Variants in DCC observed in about 807,000 individuals in gnomAD.
DCC encodes DCC netrin 1 receptor, also known as netrin receptor DCC.
Under a neutral mutation model 172.5 loss-of-function variants are expected in DCC, and 58 were observed. The observed-to-expected ratio is 0.34, with a 90% CI of 0.27 to 0.42. The LOEUF (loss-of-function observed/expected upper bound fraction) is 0.42, where lower values mean the gene tolerates loss of function less well. Among genes scored for constraint, DCC ranks in the 10% least tolerant of loss-of-function variants. DCC has a pLI of 1.00. For synonymous variants in DCC, 709 were observed against 644.5 expected (o/e 1.10, Z -1.52); for missense variants, 1,740 against 1,791.0 (o/e 0.97, Z 0.51).
intron 2 of DCC, among the ~76,000 whole-genome samples, chr18:52,796,556 T>A (rs1056515088): frequency 6.6e-6 from 1 of 152,198 alleles, no homozygotes; most frequent in African/African-American, 2.4e-5. Context: ...ACTTTATTTT[T>A]CCTTCATTTT....
At chr18:52,650,498 G>T (rs776938015) in intron 1 of DCC, among the ~76,000 whole-genome samples, 3 of 152,116 alleles carry the variant, frequency 2.0e-5, no homozygotes, top group Admixed American at 1.3e-4. Flanking sequence ...TTAGCATGCC[G>T]TTTTTTCTGC....
intron 9 of DCC, among the ~76,000 whole-genome samples, chr18:53,189,903 A>G (rs1457492786): frequency 2.6e-5 from 4 of 152,194 alleles, no homozygotes; most frequent in Middle Eastern, 3.2e-3. Context: ...CCAGACACTG[A>G]TGCCAACAAC....
At chr18:52,722,820 A>C (rs2036493883) in intron 1 of DCC, among the ~76,000 whole-genome samples, 1 of 151,920 alleles carries the variant, frequency 6.6e-6, no homozygotes, top group South Asian at 2.1e-4. Context: ...TGCTTTACCA[A>C]CTTCCTGACT....
intron 1 of DCC, among the ~76,000 whole-genome samples, chr18:52,527,123 G>A (rs1787733): frequency 6.6e-6 from 1 of 152,146 alleles, no homozygotes; most frequent in African/African-American, 2.4e-5. Flanking sequence ...GATTAACAAA[G>A]AGCCACATTA....
intron 1 of DCC, among the ~76,000 whole-genome samples, chr18:52,400,172 C>T (rs1043323691): frequency 6.6e-6 from 1 of 151,890 alleles, no homozygotes; most frequent in African/African-American, 2.4e-5. Context: ...TGGCACTTTT[C>T]AAGCTGAATG....
chr18:53,493,848 T>C (rs1009282462), intron 26 of DCC, among the ~76,000 whole-genome samples: 1 of 152,164 alleles, frequency 6.6e-6, no homozygotes, highest in Non-Finnish European at 1.5e-5. Context: ...CTGATCTTAG[T>C]TATTTCTTGT....
intron 2 of DCC, among the ~76,000 whole-genome samples, chr18:52,825,434 T>C (rs1368288018): frequency 1.3e-5 from 2 of 152,244 alleles, no homozygotes; most frequent in Non-Finnish European, 2.9e-5. Flanking sequence ...TATATAAACC[T>C]GCACCTAACA....
chr18:52,965,773 T>C (rs1471968368), intron 5 of DCC, among the ~76,000 whole-genome samples: 1 of 152,182 alleles, frequency 6.6e-6, no homozygotes. Flanking sequence ...TCTAAGATCA[T>C]ACTTGGTGGC....
intron 5 of DCC, among the ~76,000 whole-genome samples, chr18:52,977,035 A>G (rs1474929346): frequency 6.6e-6 from 1 of 152,216 alleles, no homozygotes; most frequent in Non-Finnish European, 1.5e-5. Context: ...AATGGAGAAC[A>G]AAGTTTCTCC....
intron 9 of DCC, among the ~76,000 whole-genome samples, chr18:53,186,829 T>C (rs1432848642): frequency 6.6e-6 from 1 of 152,156 alleles, no homozygotes; most frequent in Non-Finnish European, 1.5e-5. Flanking sequence ...GTGTGGTGTC[T>C]AGTGAGGGCT....
intron 2 of DCC, among the ~76,000 whole-genome samples, chr18:52,847,088 T>C (rs1017317714): frequency 6.6e-6 from 1 of 152,232 alleles, no homozygotes; most frequent in Non-Finnish European, 1.5e-5. Flanking sequence ...AGCCCGTTGT[T>C]ATTCTCTTTT....
At chr18:52,351,525 G>C (rs1478605122) in intron 1 of DCC, among the ~76,000 whole-genome samples, 1 of 152,090 alleles carries the variant, frequency 6.6e-6, no homozygotes, top group Non-Finnish European at 1.5e-5. Flanking sequence ...GCAACCGAGA[G>C]AGGGACTTTG....
intron 2 of DCC, among the ~76,000 whole-genome samples, chr18:52,773,032 A>G (rs1006459661): frequency 3.9e-4 from 60 of 152,328 alleles, no homozygotes; most frequent in African/African-American, 1.3e-3. Flanking sequence ...CTATCATATG[A>G]TGACTCTTCA....
chr18:52,502,989 G>A (rs1338551552), intron 1 of DCC, among the ~76,000 whole-genome samples: 5 of 152,036 alleles, frequency 3.3e-5, no homozygotes, highest in African/African-American at 4.8e-5. Context: ...AAAATTTGAC[G>A]CAGCAGTACA....
chr18:53,108,267 A>G (rs916455593), intron 7 of DCC, among the ~76,000 whole-genome samples: 3 of 151,788 alleles, frequency 2.0e-5, no homozygotes, highest in Non-Finnish European at 4.4e-5. Context: ...GCTCCCAAAG[A>G]AACTCCTTCA....
At chr18:53,186,928 CA>C (rs948058862) in intron 9 of DCC, among the ~76,000 whole-genome samples, 3 of 151,798 alleles carry the variant, frequency 2.0e-5, no homozygotes, top group African/African-American at 7.3e-5. Flanking sequence ...AGTGGTAGGA[CA>C]AAAAAGAGGA....
chr18:53,109,877 TTGTC>T (rs1433830873), intron 7 of DCC, among the ~76,000 whole-genome samples: 2 of 151,644 alleles, frequency 1.3e-5, no homozygotes, highest in African/African-American at 4.8e-5. Context: ...CTTGTTTTAT[TTGTC>T]TGTGCATTTG....
chr18:52,818,741 C>T (rs1389727215), intron 2 of DCC, among the ~76,000 whole-genome samples: 2 of 152,110 alleles, frequency 1.3e-5, no homozygotes, highest in Non-Finnish European at 2.9e-5. Context: ...CATACTTGGT[C>T]ATCAAAACAT....
chr18:52,688,456 T>C (rs1240376234), intron 1 of DCC, among the ~76,000 whole-genome samples: 1 of 152,124 alleles, frequency 6.6e-6, no homozygotes, highest in African/African-American at 2.4e-5. Context: ...CTTAGGCTCT[T>C]TCAGGTCTTT....
Sources: gnomAD v4.1 joint callset for allele counts (sites outside exome capture counted in the v4.1 genomes callset) on GRCh38, gnomAD v4.1.1 for gene constraint, MANE v1.5 for transcripts, NCBI Gene and HGNC (gene_info 2026-07-23, HGNC 2026-07-21) for gene names.